Variants in CDK17 observed in about 807,000 individuals in gnomAD.
CDK17 encodes the protein cyclin-dependent kinase 17.
In CDK17, 24 loss-of-function variants were observed where a neutral mutation model predicts 77.6. That is an observed-to-expected ratio of 0.31 (90% CI 0.22 to 0.44). The LOEUF (loss-of-function observed/expected upper bound fraction) is 0.44, where lower values mean the gene tolerates loss of function less well. Among genes scored for constraint, CDK17 ranks in the 20% least tolerant of loss-of-function variants. The pLI is 1.00. For synonymous variants in CDK17, 203 were observed against 210.4 expected, an observed-to-expected ratio of 0.96 and a Z score of 0.30; for missense variants, 429 against 622.5, an observed-to-expected ratio of 0.69 and a Z score of 3.31.
At chr12:96,301,602 C>T (rs1029415586) in intron 5 of CDK17, among the ~76,000 whole-genome samples, 2 of 152,002 alleles carry the variant, frequency 1.3e-5, no homozygotes, top group African/African-American at 4.8e-5. Context: ...AAGAAAGATC[C>T]ACTTGCTTAG....
At chr12:96,333,414 C>T (rs1242868707) in intron 2 of CDK17, among the ~76,000 whole-genome samples, 1 of 152,064 alleles carries the variant, frequency 6.6e-6, no homozygotes, top group Non-Finnish European at 1.5e-5. Flanking sequence ...CCTGTAATCC[C>T]AGCACTTTGG....
intron 1 of CDK17, among the ~76,000 whole-genome samples, chr12:96,362,854 A>G (rs1019767497): frequency 2.0e-5 from 3 of 152,164 alleles, no homozygotes; most frequent in Admixed American, 6.5e-5. Flanking sequence ...AATGTATTTC[A>G]CCTATCATTC....
intron 5 of CDK17, among the ~76,000 whole-genome samples, chr12:96,307,095 A>G (rs1376879332): frequency 2.0e-5 from 3 of 152,204 alleles, no homozygotes; most frequent in Non-Finnish European, 4.4e-5. Flanking sequence ...GGGGAGTTCA[A>G]GACCAGCCTG....
chr12:96,372,803 T>C (rs1317793176), intron 1 of CDK17, among the ~76,000 whole-genome samples: 2 of 152,172 alleles, frequency 1.3e-5, no homozygotes, highest in Non-Finnish European at 2.9e-5. Context: ...AATATGCATA[T>C]ACATTACAAA....
At chr12:96,306,747 T>C (rs1952582024) in intron 5 of CDK17, among the ~76,000 whole-genome samples, 1 of 152,144 alleles carries the variant, frequency 6.6e-6, no homozygotes, top group Non-Finnish European at 1.5e-5. Flanking sequence ...TTCTAATACA[T>C]ATAAAAAAAT....
At chr12:96,338,201 T>A (rs1173403951) in intron 1 of CDK17, among the ~76,000 whole-genome samples, 1 of 152,090 alleles carries the variant, frequency 6.6e-6, no homozygotes, top group Admixed American at 6.6e-5. Flanking sequence ...TCAGGTGAAC[T>A]TCCCTGGTTG....
chr12:96,353,196 T>A (rs1953338199), intron 1 of CDK17, among the ~76,000 whole-genome samples: 1 of 152,212 alleles, frequency 6.6e-6, no homozygotes, highest in South Asian at 2.1e-4. Context: ...ATGAATTCCA[T>A]CAGGCCATAC....
Position 96,297,259 on chromosome 12 carries a change from A to C in CDK17, c.873+11T>G. 6.3e-7 allele frequency: 1 copy of C among 1,588,070 alleles called. No homozygotes were observed. On this transcript the variant is annotated intron_variant, in intron 9 of 16. Coordinates refer to ENST00000261211, the MANE Select transcript of CDK17 (RefSeq NM_002595.5). The stretch of plus-strand genomic sequence containing the variant: ...ACAAAATTTAAAAATTACACACGCA[A>C]GAAAACATACCTTTACGTTGTGCAT...
chr12:96,368,949 C>T (rs1953644527), intron 1 of CDK17, among the ~76,000 whole-genome samples: 1 of 151,574 alleles, frequency 6.6e-6, no homozygotes, highest in Non-Finnish European at 1.5e-5. Flanking sequence ...ACAAGTGGTA[C>T]TATGAAATTG....
intron 4 of CDK17, among the ~76,000 whole-genome samples, chr12:96,312,103 C>T (rs1439723259): frequency 6.6e-6 from 1 of 151,964 alleles, no homozygotes; most frequent in Non-Finnish European, 1.5e-5. Flanking sequence ...ATGGTGAAAC[C>T]CTGTCTCTAC....
intron 5 of CDK17, among the ~76,000 whole-genome samples, chr12:96,304,174 G>T (rs1952544694): frequency 6.6e-6 from 1 of 152,186 alleles, no homozygotes; most frequent in Non-Finnish European, 1.5e-5. Context: ...TGAAACCACA[G>T]ATAAAGGGGG....
intron 3 of CDK17, among the ~76,000 whole-genome samples, chr12:96,314,579 G>A (rs915500743): frequency 1.3e-5 from 2 of 152,144 alleles, no homozygotes; most frequent in Non-Finnish European, 2.9e-5. Flanking sequence ...GCCTCTCAAA[G>A]TGATGGGATT....
At chr12:96,324,246 T>C (rs1952863585) in intron 2 of CDK17, 134 bp from the exon 3 acceptor site, 1 of 457,140 alleles carries the variant, frequency 2.2e-6, no homozygotes, top group Non-Finnish European at 3.8e-6. Flanking sequence ...TGCTTAACTA[T>C]ACACAGTATT....
Position 96,300,362 on chromosome 12 carries a change from T to A in CDK17, c.544-2A>T. On this transcript the variant is annotated splice_acceptor_variant, in intron 5 of 16. Transcript: ENST00000261211. LOFTEE classifies it high-confidence loss of function. Reference sequence around the variant, plus strand: ...CATTTTTCCAAAGCCAATTTCTGACTGAAAAGTAAACAATGAAAAATGTAG... The same window carrying A: ...CATTTTTCCAAAGCCAATTTCTGACAGAAAAGTAAACAATGAAAAATGTAG... 1.3e-6 allele frequency: 2 copies of A among 1,558,444 alleles called. No individual in the cohort carries two copies. Among genetic ancestry groups the A allele is most frequent in the Non-Finnish European group, 8.8e-7 (1 of 1,137,976 alleles).
chr12:96,291,385 G>A (rs1027699840), intron 10 of CDK17, among the ~76,000 whole-genome samples: 4 of 151,896 alleles, frequency 2.6e-5, no homozygotes, highest in Admixed American at 6.6e-5. Flanking sequence ...TCAACCTCCC[G>A]GGCACAACTG....
intron 1 of CDK17, among the ~76,000 whole-genome samples, chr12:96,389,930 A>G (rs775400672): frequency 2.0e-5 from 3 of 151,444 alleles, no homozygotes; most frequent in Non-Finnish European, 2.9e-5. Context: ...CCCAGGTTCA[A>G]GAGATTCTCC....
In CDK17 at chr12:96,337,046, G is replaced by A. The variant is rs575851567; in HGVS notation, c.-29-2181C>T. Reference sequence around the variant, plus strand: ...AAAAAACGTAGAGCCTCCAGATGATGTTACCTTCCTCCAGAAAGGATTTAA... The same window carrying A: ...AAAAAACGTAGAGCCTCCAGATGATATTACCTTCCTCCAGAAAGGATTTAA... On this transcript the variant is annotated intron_variant, in intron 1 of 16. Transcript: ENST00000261211. Among the ~76,000 whole-genome samples, 3 of 152,190 alleles carry A rather than the reference G, an allele frequency of 2.0e-5. No individual in the cohort carries two copies. In the East Asian group the frequency reaches 5.8e-4, roughly 29 times the overall value.
At chr12:96,302,709 T>G (rs1952525080) in intron 5 of CDK17, among the ~76,000 whole-genome samples, 1 of 152,220 alleles carries the variant, frequency 6.6e-6, no homozygotes, top group South Asian at 2.1e-4. Flanking sequence ...TGAATACTAC[T>G]ATGTTCTTAA....
intron 1 of CDK17, among the ~76,000 whole-genome samples, chr12:96,365,624 T>C (rs1231518523): frequency 6.6e-6 from 1 of 152,254 alleles, no homozygotes; most frequent in Admixed American, 6.5e-5. Flanking sequence ...CTAAAAGCAA[T>C]TTTAGCAATA....
Sources: allele counts gnomAD v4.1 joint callset (sites outside exome capture counted in the v4.1 genomes callset), GRCh38; gene constraint gnomAD v4.1.1; transcripts MANE v1.5; gene names NCBI Gene and HGNC (gene_info 2026-07-23, HGNC 2026-07-21).